VWA3B: variants seen among roughly 807,000 people sequenced by gnomAD.
The protein encoded by VWA3B is von Willebrand factor A domain containing 3B.
Under a neutral mutation model 158.3 loss-of-function variants are expected in VWA3B, and 138 were observed. The ratio of observed to expected loss-of-function variants is 0.87; its 90% CI spans 0.76 to 1.00. The LOEUF is 1.00. VWA3B is among the 50% of genes least tolerant of loss of function. The pLI is 0.00. For missense variants in VWA3B, 1,555 were observed against 1,565.1 expected (o/e 0.99, Z 0.11); for synonymous variants, 596 against 587.3 (o/e 1.01, Z -0.21).
the VWA3B span, among the ~76,000 whole-genome samples, chr2:98,327,791 G>T: frequency 4.6e-5 from 7 of 152,072 alleles, no homozygotes; most frequent in African/African-American, 1.7e-4. Context: ...TCAAATTTTT[G>T]CACATCCAAT....
chr2:98,231,411 A>G (rs1685324868), intron 16 of VWA3B, among the ~76,000 whole-genome samples: 1 of 152,234 alleles, frequency 6.6e-6, no homozygotes, highest in African/African-American at 2.4e-5. Context: ...ACGGTGTGGT[A>G]TTAGCAGAGG....
intron 1 of VWA3B, among the ~76,000 whole-genome samples, chr2:98,092,179 C>T (rs1349842638): frequency 6.6e-6 from 1 of 152,182 alleles, no homozygotes; most frequent in Non-Finnish European, 1.5e-5. Context: ...TCCCAATTAG[C>T]CACTACACCT....
intron 1 of VWA3B, among the ~76,000 whole-genome samples, chr2:98,090,444 A>G (rs970513252): frequency 6.6e-6 from 1 of 152,206 alleles, no homozygotes; most frequent in African/African-American, 2.4e-5. Context: ...TCCACGCATA[A>G]CTTATACATC....
chr2:98,140,792 T>C (rs1355643956), intron 7 of VWA3B, among the ~76,000 whole-genome samples: 1 of 152,206 alleles, frequency 6.6e-6, no homozygotes, highest in African/African-American at 2.4e-5. Context: ...AATATTAATA[T>C]TCATCTTACC....
downstream of VWA3B, among the ~76,000 whole-genome samples, chr2:98,317,571 T>C (rs1691114740): frequency 6.6e-6 from 1 of 152,224 alleles, no homozygotes; most frequent in Non-Finnish European, 1.5e-5. Context: ...CAACCTCTTA[T>C]GGTAACCCAG....
chr2:98,201,524 A>G (rs1356275465), intron 12 of VWA3B, among the ~76,000 whole-genome samples: 1 of 152,194 alleles, frequency 6.6e-6, no homozygotes. Flanking sequence ...ATGATGTTTA[A>G]CAGGAGTGGT....
intron 1 of VWA3B, among the ~76,000 whole-genome samples, chr2:98,088,432 C>T (rs958790461): frequency 6.6e-5 from 10 of 152,304 alleles, no homozygotes; most frequent in Admixed American, 2.0e-4. Context: ...TTCCAGTAGA[C>T]GGGGCCCTTG....
chr2:98,256,175 G>A lies in VWA3B; in HGVS notation c.2843+1G>A. 6.2e-7 allele frequency: 1 copy of A among 1,607,302 alleles called. No individual in the cohort carries two copies. ...CATTATCTCAAGAGGAAAAAGAAAA[G>A]TAAGCCATTCCATTCCCTCCTCACT... On this transcript the variant is annotated splice_donor_variant, in intron 21 of 27. Transcript: ENST00000477737. LOFTEE classifies it high-confidence loss of function.
the VWA3B span, among the ~76,000 whole-genome samples, chr2:98,320,033 C>T: frequency 6.6e-6 from 1 of 152,290 alleles, no homozygotes; most frequent in South Asian, 2.1e-4. Context: ...GCTGTGTCCC[C>T]ACCCAAATCT....
chr2:98,275,893 CTT>C (rs1232958861), intron 22 of VWA3B, among the ~76,000 whole-genome samples: 1 of 152,158 alleles, frequency 6.6e-6, no homozygotes, highest in African/African-American at 2.4e-5. Context: ...GAAGTGAAGA[CTT>C]TTTCTTCCAG....
At chr2:98,205,739 A>C (rs1291165287) in intron 12 of VWA3B, among the ~76,000 whole-genome samples, 1 of 152,182 alleles carries the variant, frequency 6.6e-6, no homozygotes, top group African/African-American at 2.4e-5. Flanking sequence ...TTCATTCAGT[A>C]CTATTTAATT....
intron 8 of VWA3B, among the ~76,000 whole-genome samples, chr2:98,163,310 C>A (rs1468305380): frequency 6.6e-6 from 1 of 152,068 alleles, no homozygotes; most frequent in East Asian, 1.9e-4. Context: ...GAGGCCGAGG[C>A]GGGTGGATCA....
At chr2:98,124,849 T>C (rs1179776555) in intron 5 of VWA3B, among the ~76,000 whole-genome samples, 1 of 152,180 alleles carries the variant, frequency 6.6e-6, no homozygotes, top group Non-Finnish European at 1.5e-5. Context: ...TGTCAAGGAC[T>C]CTTTGGCGGG....
intron 8 of VWA3B, among the ~76,000 whole-genome samples, chr2:98,177,732 C>T (rs770488402): frequency 1.4e-4 from 21 of 152,070 alleles, no homozygotes; most frequent in Non-Finnish European, 2.5e-4. Context: ...AGGACTGCAC[C>T]GCCTGGTCCA....
At chr2:98,192,582 A>T (rs1341434810) in intron 10 of VWA3B, among the ~76,000 whole-genome samples, 1 of 152,202 alleles carries the variant, frequency 6.6e-6, no homozygotes, top group African/African-American at 2.4e-5. Flanking sequence ...CTGGATGTGT[A>T]TGTGTAGGTC....
rs565709971 is a variant in VWA3B at position 98,254,089 on chromosome 2, T to C, written c.2793-2035T>C. Among the ~76,000 whole-genome samples the C allele has an allele frequency of 1.9e-4, 29 of 152,304 alleles. 2 individuals are homozygous for C. Among genetic ancestry groups the C allele is most frequent in the Admixed American group, 1.7e-3 (26 of 15,304 alleles). Reference sequence around the variant, plus strand: ...AGCAAACTGGACCCACATTTACCAATGATTACTCAGTGTTTCTAAGCCTTG... The same window carrying C: ...AGCAAACTGGACCCACATTTACCAACGATTACTCAGTGTTTCTAAGCCTTG... On this transcript the variant is annotated intron_variant, in intron 20 of 27. Coordinates refer to ENST00000477737, the MANE Select transcript of VWA3B (RefSeq NM_144992.5).
chr2:98,250,391 A>AT lies in VWA3B; in HGVS notation c.2748dup (p.Ile917TyrfsTer14). The AT allele has an allele frequency of 6.2e-7, 1 of 1,613,362 alleles. No homozygotes were observed. Among genetic ancestry groups the AT allele is most frequent in the Non-Finnish European group, 8.5e-7 (1 of 1,179,784 alleles). ...ATTAACCCCCAAGGAGCCAAACTCA[A>AT]TATCTACAAGCGAAAAGTGGAACAG... On this transcript the variant is annotated frameshift_variant, in exon 20 of 28. Transcript: ENST00000477737. LOFTEE classifies it high-confidence loss of function.
At chr2:98,118,166 T>C (rs1255183538) in intron 3 of VWA3B, among the ~76,000 whole-genome samples, 2 of 152,232 alleles carry the variant, frequency 1.3e-5, no homozygotes, top group Admixed American at 1.3e-4. Context: ...TAAAAACACC[T>C]GTCCCTTTAC....
chr2:98,218,611 T>C (rs1234725543), intron 14 of VWA3B, among the ~76,000 whole-genome samples: 2 of 152,262 alleles, frequency 1.3e-5, no homozygotes, highest in Non-Finnish European at 2.9e-5. Flanking sequence ...AATAGGCTAA[T>C]GGGAGAAAGC....
Sources: gnomAD v4.1 joint callset for allele counts (sites outside exome capture counted in the v4.1 genomes callset) on GRCh38, gnomAD v4.1.1 for gene constraint, MANE v1.5 for transcripts, NCBI Gene and HGNC (gene_info 2026-07-23, HGNC 2026-07-21) for gene names.